Variants in CPNE4 observed in about 807,000 individuals in gnomAD.
The protein encoded by CPNE4 is copine 4.
A neutral mutation model predicts 67.9 loss-of-function variants in CPNE4; 25 were observed. The observed-to-expected ratio is 0.37, with a 90% CI of 0.27 to 0.51. CPNE4 has a LOEUF of 0.51. CPNE4 is among the 20% of genes least tolerant of loss of function. The pLI is 0.93. For missense variants in CPNE4, 464 were observed against 690.8 expected, an observed-to-expected ratio of 0.67 and a Z score of 3.68; for synonymous variants, 242 against 244.9, an observed-to-expected ratio of 0.99 and a Z score of 0.11.
At chr3:131,620,478 C>T in intron 7 of CPNE4, 1 of 985,090 alleles carries the variant, frequency 1.0e-6, no homozygotes, top group Non-Finnish European at 1.2e-6. Context: ...GCTTTTTGTC[C>T]TTCAGTGAAG....
chr3:131,644,227 A>G (rs2079607011), intron 7 of CPNE4, among the ~76,000 whole-genome samples: 1 of 151,832 alleles, frequency 6.6e-6, no homozygotes, highest in Non-Finnish European at 1.5e-5. Flanking sequence ...GGCTCACTGC[A>G]AGATCTGTCT....
intron 2 of CPNE4, among the ~76,000 whole-genome samples, chr3:131,781,648 G>C (rs1436392312): frequency 1.3e-5 from 2 of 152,098 alleles, no homozygotes; most frequent in Non-Finnish European, 2.9e-5. Flanking sequence ...GGCCACAAAA[G>C]TGTAAACTCA....
At chr3:131,674,548 G>GTATGGGT (rs1378805492) in intron 6 of CPNE4, among the ~76,000 whole-genome samples, 1 of 151,822 alleles carries the variant, frequency 6.6e-6, no homozygotes, top group African/African-American at 2.4e-5. Context: ...GTTCAATCTT[G>GTATGGGT]GTAGATTGTA....
chr3:131,659,453 A>G (rs150561682), intron 7 of CPNE4, among the ~76,000 whole-genome samples: 1 of 152,312 alleles, frequency 6.6e-6, no homozygotes, highest in Non-Finnish European at 1.5e-5. Context: ...ATTTAGATGG[A>G]CATTCTCTCT....
At chr3:131,877,141 G>A (rs924633586) in intron 2 of CPNE4, among the ~76,000 whole-genome samples, 3 of 152,066 alleles carry the variant, frequency 2.0e-5, no homozygotes, top group African/African-American at 7.2e-5. Flanking sequence ...CCATTAAATG[G>A]CCATTGAGAT....
At chr3:131,828,512 C>A (rs1425257384) in intron 2 of CPNE4, among the ~76,000 whole-genome samples, 1 of 151,992 alleles carries the variant, frequency 6.6e-6, no homozygotes, top group Non-Finnish European at 1.5e-5. Flanking sequence ...ATGAATATAC[C>A]ACCATTTGTC....
intron 2 of CPNE4, among the ~76,000 whole-genome samples, chr3:131,737,116 T>TC (rs2082255610): frequency 5.4e-5 from 1 of 18,620 alleles, no homozygotes; most frequent in Admixed American, 6.5e-4. Flanking sequence ...GTATTGTGTC[T>TC]TTTTTTTTTT....
intron 1 of CPNE4, among the ~76,000 whole-genome samples, chr3:131,974,354 ATC>A (rs1389083542): frequency 6.6e-6 from 1 of 152,202 alleles, no homozygotes; most frequent in Admixed American, 6.5e-5. Context: ...GTATATACGC[ATC>A]TACAGTGAAT....
intron 2 of CPNE4, among the ~76,000 whole-genome samples, chr3:131,876,239 AAAATAAATAAATAAATAAATAAAT>A (rs60812638): frequency 1.4e-5 from 2 of 139,788 alleles, no homozygotes; most frequent in South Asian, 2.3e-4. Context: ...ACTCGGTCTC[AAAATAAATAAATAAATAAATAAAT>A]AAATAAATAA....
intron 4 of CPNE4, among the ~76,000 whole-genome samples, chr3:131,698,473 T>C (rs535356737): frequency 8.4e-4 from 128 of 152,140 alleles, no homozygotes; most frequent in Non-Finnish European, 1.6e-3. Context: ...CTTTGATTCA[T>C]GACTGAAGAT....
At chr3:131,601,772 T>C (rs1190013954) in intron 7 of CPNE4, among the ~76,000 whole-genome samples, 1 of 152,142 alleles carries the variant, frequency 6.6e-6, no homozygotes, top group Non-Finnish European at 1.5e-5. Flanking sequence ...TCAGATTACA[T>C]GCCCCAGAGA....
chr3:131,800,611 G>C (rs905900244), intron 2 of CPNE4, among the ~76,000 whole-genome samples: 2 of 152,158 alleles, frequency 1.3e-5, no homozygotes, highest in Non-Finnish European at 2.9e-5. Context: ...CCCTCCTACT[G>C]CTCCTGATGT....
chr3:131,745,703 A>G (rs2082471042), intron 2 of CPNE4, among the ~76,000 whole-genome samples: 2 of 152,016 alleles, frequency 1.3e-5, no homozygotes, highest in African/African-American at 4.8e-5. Context: ...ATTTGGTGTA[A>G]TTCTGTGGGT....
In CPNE4 at chr3:131,555,554, G is replaced by T. The variant is rs1391749624; in HGVS notation, c.1062-3C>A. ...CAAAGGCAGGGAACATTTTGTCACT[G>T]AAACCAAAATGAAGAAAAGAAAAAA... On this transcript the variant is annotated splice_region_variant and splice_polypyrimidine_tract_variant and intron_variant, in intron 11 of 15. Transcript: ENST00000429747. The T allele has an allele frequency of 6.2e-7, 1 of 1,611,988 alleles. No individual in the cohort carries two copies.
chr3:131,952,586 C>T (rs1397197674), intron 1 of CPNE4, among the ~76,000 whole-genome samples: 7 of 78,712 alleles, frequency 8.9e-5, no homozygotes, highest in African/African-American at 3.0e-4. Context: ...GTCAGCACCC[C>T]GCCCGGCCAG....
chr3:132,005,202 T>A (rs1351171236), intron 1 of CPNE4, among the ~76,000 whole-genome samples: 1 of 151,374 alleles, frequency 6.6e-6, no homozygotes, highest in Non-Finnish European at 1.5e-5. Context: ...ACAATTGCCC[T>A]GGAGAGCCAC....
intron 1 of CPNE4, among the ~76,000 whole-genome samples, chr3:131,927,679 A>T (rs1356119116): frequency 6.6e-6 from 1 of 152,200 alleles, no homozygotes; most frequent in Non-Finnish European, 1.5e-5. Context: ...TCCCCTGTGT[A>T]AAACAATTAT....
chr3:131,605,221 G>A (rs979148316), intron 7 of CPNE4, among the ~76,000 whole-genome samples: 3 of 152,002 alleles, frequency 2.0e-5, no homozygotes, highest in Admixed American at 1.3e-4. Context: ...AACTTTCTGT[G>A]CACTGATTAT....
In CPNE4 at chr3:131,723,611, C is replaced by T; in HGVS notation, c.195G>A (p.Glu65=). 1 of 1,611,768 alleles carries T rather than the reference C, an allele frequency of 6.2e-7. No individual in the cohort carries two copies. Among genetic ancestry groups the T allele is most frequent in the Non-Finnish European group, 8.5e-7 (1 of 1,178,972 alleles). The change falls in exon 3 of 16, where the codon GAG becomes GAA. Residue 65 remains glutamate (E), a synonymous_variant. Transcript: ENST00000429747. ...HGQWFEVDRT[E]VIRTCINPVY... Reference sequence around the variant, plus strand: ...CTGGGTTTATGCAGGTGCGAATCACCTCAGTCCTGTCAACCTGCAAGGAGA... The same window carrying T: ...CTGGGTTTATGCAGGTGCGAATCACTTCAGTCCTGTCAACCTGCAAGGAGA...
Sources: allele counts gnomAD v4.1 joint callset (sites outside exome capture counted in the v4.1 genomes callset), GRCh38; gene constraint gnomAD v4.1.1; transcripts MANE v1.5; gene names NCBI Gene and HGNC (gene_info 2026-07-23, HGNC 2026-07-21).